The following CSMD2 variants were observed in gnomAD, a reference collection of about 807,000 sequenced individuals.
CSMD2 encodes the protein CUB and Sushi multiple domains 2.
Under a neutral mutation model 398.5 loss-of-function variants are expected in CSMD2, and 130 were observed. The ratio of observed to expected loss-of-function variants is 0.33; its 90% CI spans 0.28 to 0.38. The LOEUF is 0.38. Ranked by LOEUF, CSMD2 falls within the 10% of genes least tolerant of loss-of-function variation. The probability of loss-of-function intolerance (pLI) is 1.00; values close to 1 mark genes in which losing one functional copy is unlikely to be tolerated. For missense variants in CSMD2, 3,829 were observed against 4,764.9 expected (o/e 0.80, Z 5.78); for synonymous variants, 1,828 against 1,908.5 (o/e 0.96, Z 1.10).
chr1:34,099,481 C>T (rs981046251), intron 1 of CSMD2, among the ~76,000 whole-genome samples: 1 of 152,198 alleles, frequency 6.6e-6, no homozygotes, highest in Admixed American at 6.5e-5. Flanking sequence ...CTCCAGCATC[C>T]CAGACCTCTG....
At chr1:33,565,302 C>T (rs180762473) in intron 53 of CSMD2, among the ~76,000 whole-genome samples, 7 of 152,184 alleles carry the variant, frequency 4.6e-5, no homozygotes, top group Middle Eastern at 3.4e-3. Flanking sequence ...TCCCTCATTG[C>T]TTCTGGAAGA....
rs373778973 is a variant in CSMD2 at position 33,626,480 on chromosome 1, C to G, written c.5296+6G>C. ...TTCCTACCTCCGGCGTCCATGTCCTCCATACCTTGGTAGACAAAGTGGAAG... is the reference window on the plus strand; with the variant it reads ...TTCCTACCTCCGGCGTCCATGTCCTGCATACCTTGGTAGACAAAGTGGAAG... On this transcript the variant is annotated splice_donor_region_variant and intron_variant, in intron 33 of 70. Coordinates refer to ENST00000373381, the MANE Select transcript of CSMD2 (RefSeq NM_001281956.2). The G allele has an allele frequency of 6.3e-7, 1 of 1,598,424 alleles. No homozygotes were observed. The highest frequency in any genetic ancestry group is 1.1e-5 in the South Asian group (1 of 87,666).
rs865815239 is a variant in CSMD2, at chr1:33,882,895, C to G, written c.920+35199G>C. Among the ~76,000 whole-genome samples, 6 of 152,144 alleles carry G rather than the reference C, an allele frequency of 3.9e-5. No homozygotes were observed. In the South Asian group the frequency reaches 1.2e-3, roughly 32 times the overall value. On this transcript the variant is annotated intron_variant, in intron 5 of 70. Coordinates refer to ENST00000373381, the MANE Select transcript of CSMD2 (RefSeq NM_001281956.2). ...GGCTACGGATGCAGTCTAGAGCCAA[C>G]AGGAGCACCAAATTCAGGCAATCAA...
intron 2 of CSMD2, among the ~76,000 whole-genome samples, chr1:34,050,484 C>T (rs1653050683): frequency 6.6e-6 from 1 of 152,186 alleles, no homozygotes; most frequent in Non-Finnish European, 1.5e-5. Context: ...TTCACTGGTC[C>T]TACCATGTGA....
intron 2 of CSMD2, among the ~76,000 whole-genome samples, chr1:34,078,839 G>T (rs759640737): frequency 6.6e-6 from 1 of 152,188 alleles, no homozygotes; most frequent in African/African-American, 2.4e-5. Context: ...GACTGATTTG[G>T]TTTGTTTTCT....
intron 62 of CSMD2, among the ~76,000 whole-genome samples, chr1:33,534,621 C>T (rs970039534): frequency 7.2e-5 from 11 of 152,190 alleles, no homozygotes; most frequent in Non-Finnish European, 1.3e-4. Flanking sequence ...TACTGCAACT[C>T]GGATTATACT....
At chr1:34,052,168 T>C (rs1398476289) in intron 2 of CSMD2, among the ~76,000 whole-genome samples, 1 of 146,932 alleles carries the variant, frequency 6.8e-6, no homozygotes, top group African/African-American at 2.5e-5. Context: ...AGCATATGTA[T>C]ACACACACAC....
At chr1:33,965,011 ATTC>A (rs1409733973) in intron 3 of CSMD2, among the ~76,000 whole-genome samples, 2 of 152,228 alleles carry the variant, frequency 1.3e-5, no homozygotes, top group East Asian at 1.9e-4. Flanking sequence ...GGAATTTACT[ATTC>A]TTCTTCACAC....
rs773872174 is a variant in CSMD2 at position 34,150,089 on chromosome 1, TG to T, written c.187+14821del. On this transcript the variant is annotated intron_variant, in intron 1 of 70. Coordinates refer to ENST00000373381, the MANE Select transcript of CSMD2 (RefSeq NM_001281956.2). ...ACATTTTTCTTCTTTCTTTTTTTTT[TG>T]TTTTTTTTTGAGACAGGGTCTTGCT... Among the ~76,000 whole-genome samples, 34 of 145,478 alleles carry T rather than the reference TG, an allele frequency of 2.3e-4. 6 individuals are homozygous for T. Among genetic ancestry groups the T allele is most frequent in the Admixed American group, 4.8e-4 (7 of 14,590 alleles).
At chr1:33,897,922 G>A (rs190276969) in intron 5 of CSMD2, among the ~76,000 whole-genome samples, 19 of 152,320 alleles carry the variant, frequency 1.2e-4, no homozygotes, top group Non-Finnish European at 2.2e-4. Flanking sequence ...AGGAAACCAA[G>A]GTTCAGAAGT....
At chr1:33,531,904 G>A (rs1655267959) in intron 64 of CSMD2, among the ~76,000 whole-genome samples, 1 of 152,158 alleles carries the variant, frequency 6.6e-6, no homozygotes, top group African/African-American at 2.4e-5. Context: ...GGTGATGGCT[G>A]TGCAATATCA....
chr1:33,912,321 C>T (rs1355971875), intron 5 of CSMD2, among the ~76,000 whole-genome samples: 1 of 152,014 alleles, frequency 6.6e-6, no homozygotes, highest in Admixed American at 6.6e-5. Flanking sequence ...GAGTCACAGC[C>T]AAGGAAATTG....
At chr1:33,888,832 A>G (rs991904981) in intron 5 of CSMD2, among the ~76,000 whole-genome samples, 4 of 151,980 alleles carry the variant, frequency 2.6e-5, no homozygotes, top group African/African-American at 7.3e-5. Flanking sequence ...CAGTGGCGCA[A>G]TATCGGCTCA....
chr1:33,581,496 C>G (rs911029083), intron 47 of CSMD2, among the ~76,000 whole-genome samples: 9 of 136,566 alleles, frequency 6.6e-5, no homozygotes, highest in African/African-American at 2.5e-4. Context: ...CACCACTGTG[C>G]TCCAGCCTGG....
At chr1:33,837,655 A>G (rs1043825113) in intron 6 of CSMD2, among the ~76,000 whole-genome samples, 1 of 152,260 alleles carries the variant, frequency 6.6e-6, no homozygotes, top group African/African-American at 2.4e-5. Flanking sequence ...ATTCAAGCAC[A>G]TGTAAACACA....
chr1:33,725,269 G>A, intron 17 of CSMD2, 80 bp downstream of exon 17: 1 of 1,211,670 alleles, frequency 8.3e-7, no homozygotes, highest in Non-Finnish European at 1.2e-6. Flanking sequence ...GCAGGGGCCT[G>A]TGGTGGAGCA....
intron 5 of CSMD2, among the ~76,000 whole-genome samples, chr1:33,853,656 G>T (rs893170655): frequency 1.3e-5 from 2 of 152,010 alleles, no homozygotes; most frequent in Non-Finnish European, 2.9e-5. Context: ...GAGGGTGGGG[G>T]TGGGAGACTG....
At chr1:33,824,826 G>A (rs937224319) in intron 7 of CSMD2, among the ~76,000 whole-genome samples, 4 of 152,016 alleles carry the variant, frequency 2.6e-5, no homozygotes, top group Non-Finnish European at 5.9e-5. Flanking sequence ...GCAGGAGAAG[G>A]GCAAAGGGAG....
At chr1:33,535,496 T>C (rs1207439373) in intron 62 of CSMD2, among the ~76,000 whole-genome samples, 1 of 152,230 alleles carries the variant, frequency 6.6e-6, no homozygotes, top group Non-Finnish European at 1.5e-5. Context: ...CTGTAATTCA[T>C]TCATTTTCTT....
Sources: allele counts gnomAD v4.1 joint callset (sites outside exome capture counted in the v4.1 genomes callset), GRCh38; gene constraint gnomAD v4.1.1; transcripts MANE v1.5; gene names NCBI Gene and HGNC (gene_info 2026-07-23, HGNC 2026-07-21).